Variants in ZCCHC17 observed in about 807,000 individuals in gnomAD.
ZCCHC17 encodes zinc finger CCHC-type containing 17.
Under a neutral mutation model 30.6 loss-of-function variants are expected in ZCCHC17, and 18 were observed. The observed-to-expected ratio is 0.59, with a 90% confidence interval of 0.41 to 0.87. The LOEUF is 0.87. Ranked by LOEUF, ZCCHC17 falls within the 40% of genes least tolerant of loss-of-function variation. The probability of loss-of-function intolerance (pLI) is 0.00; values close to 1 mark genes in which losing one functional copy is unlikely to be tolerated. For synonymous variants in ZCCHC17, 88 were observed against 92.4 expected, an observed-to-expected ratio of 0.95 and a Z score of 0.27; for missense variants, 263 against 284.2, an observed-to-expected ratio of 0.93 and a Z score of 0.54.
chr1:31,342,122 T>G (rs1434305037), intron 5 of ZCCHC17, among the ~76,000 whole-genome samples: 1 of 152,164 alleles, frequency 6.6e-6, no homozygotes, highest in Non-Finnish European at 1.5e-5. Flanking sequence ...CGTGGCTCAC[T>G]GCAACTCTGC....
At chr1:31,316,254 G>A (rs867946488) in intron 2 of ZCCHC17, among the ~76,000 whole-genome samples, 2 of 151,996 alleles carry the variant, frequency 1.3e-5, no homozygotes, top group African/African-American at 2.4e-5. Context: ...GGCATGTGCC[G>A]CCATGCCCAG....
intron 4 of ZCCHC17, among the ~76,000 whole-genome samples, chr1:31,338,154 T>TA (rs902948421): frequency 2.0e-5 from 3 of 148,144 alleles, no homozygotes; most frequent in East Asian, 2.0e-4. Context: ...TTTTTTTTTT[T>TA]AATTTTTTTG....
In ZCCHC17 at chr1:31,350,855, G is replaced by C. The variant is rs559008269; in HGVS notation, c.564+1881G>C. Among the ~76,000 whole-genome samples the C allele has an allele frequency of 7.9e-5, 12 of 152,220 alleles. No homozygotes were observed. The South Asian group carries it at 2.5e-3, about 32-fold the overall frequency. On this transcript the variant is annotated intron_variant, in intron 7 of 7. Transcript: ENST00000344147. ...GACCTCAAGTGATCCGCCTGCCTTC[G>C]CCTCCCAAAGTGTTGGGATTACAGG...
At chr1:31,329,024 C>A (rs990462651) in intron 3 of ZCCHC17, among the ~76,000 whole-genome samples, 3 of 152,140 alleles carry the variant, frequency 2.0e-5, no homozygotes, top group African/African-American at 7.2e-5. Flanking sequence ...AAGTTCCAGC[C>A]CTCTGATCGC....
intron 2 of ZCCHC17, among the ~76,000 whole-genome samples, chr1:31,317,935 A>C (rs924453415): frequency 1.3e-5 from 2 of 152,196 alleles, no homozygotes; most frequent in Non-Finnish European, 2.9e-5. Flanking sequence ...AAGACTCCGG[A>C]TTCAAATCTC....
chr1:31,353,383 A>C (rs1473640084), intron 7 of ZCCHC17, among the ~76,000 whole-genome samples: 2 of 152,170 alleles, frequency 1.3e-5, no homozygotes, highest in Admixed American at 1.3e-4. Context: ...TTTTTAAAAT[A>C]GTGGTAAAGA....
At chr1:31,297,326 C>T (rs1413764709) in intron 1 of ZCCHC17, 5 of 396,052 alleles carry the variant, frequency 1.3e-5, no homozygotes, top group Non-Finnish European at 2.2e-5. Flanking sequence ...GTGGCCAGTC[C>T]TGTGCCGGGC....
At chr1:31,318,781 A>G (rs543999413) in intron 2 of ZCCHC17, among the ~76,000 whole-genome samples, 1 of 150,922 alleles carries the variant, frequency 6.6e-6, no homozygotes, top group South Asian at 2.1e-4. Flanking sequence ...TGTTCATGAA[A>G]CTCCTCTGGT....
chr1:31,316,871 A>C (rs1199670787), intron 2 of ZCCHC17, among the ~76,000 whole-genome samples: 11 of 152,138 alleles, frequency 7.2e-5, no homozygotes, highest in Admixed American at 7.2e-4. Flanking sequence ...AGTTAATTCA[A>C]GTGCTCCATC....
chr1:31,320,295 A>G (rs1442461352), intron 3 of ZCCHC17, among the ~76,000 whole-genome samples: 2 of 152,248 alleles, frequency 1.3e-5, no homozygotes, highest in African/African-American at 4.8e-5. Flanking sequence ...TTCCATTTAT[A>G]TAACATTCTT....
chr1:31,320,609 C>T (rs376718706), intron 3 of ZCCHC17, among the ~76,000 whole-genome samples: 2 of 152,258 alleles, frequency 1.3e-5, no homozygotes, highest in South Asian at 2.1e-4. Flanking sequence ...TCACTTAGCA[C>T]GTTTTCAAGG....
At chr1:31,327,347 G>T (rs902017827) in intron 3 of ZCCHC17, among the ~76,000 whole-genome samples, 1 of 152,214 alleles carries the variant, frequency 6.6e-6, no homozygotes, top group Non-Finnish European at 1.5e-5. Context: ...GTAAACAGGG[G>T]TTCCATGACC....
At chr1:31,299,694 C>T (rs1485529440) in intron 1 of ZCCHC17, among the ~76,000 whole-genome samples, 1 of 152,152 alleles carries the variant, frequency 6.6e-6, no homozygotes, top group Non-Finnish European at 1.5e-5. Context: ...GGTGTTGTTC[C>T]TGGAAGTTCT....
At chr1:31,328,456 C>T (rs1389592778) in intron 3 of ZCCHC17, among the ~76,000 whole-genome samples, 4 of 151,552 alleles carry the variant, frequency 2.6e-5, no homozygotes, top group African/African-American at 9.7e-5. Flanking sequence ...TGCAGTGAGC[C>T]GAGATCATGC....
chr1:31,299,484 T>C (rs1192021681), intron 1 of ZCCHC17, among the ~76,000 whole-genome samples: 3 of 152,224 alleles, frequency 2.0e-5, no homozygotes, highest in Non-Finnish European at 4.4e-5. Context: ...ACCATTTTCT[T>C]GACTCCCTTG....
At chr1:31,352,266 T>G (rs1302615421) in intron 7 of ZCCHC17, among the ~76,000 whole-genome samples, 1 of 152,216 alleles carries the variant, frequency 6.6e-6, no homozygotes, top group Non-Finnish European at 1.5e-5. Flanking sequence ...CATCACTGTC[T>G]TTGATCTCGA....
chr1:31,312,367 G>A (rs1218518652), intron 2 of ZCCHC17, among the ~76,000 whole-genome samples: 1 of 152,164 alleles, frequency 6.6e-6, no homozygotes, highest in African/African-American at 2.4e-5. Flanking sequence ...CTCAGTCTTA[G>A]GTGGATGGGT....
rs1056116880 is a variant in ZCCHC17 at position 31,343,496 on chromosome 1, C to A, written c.318-3144C>A. Reference sequence around the variant, plus strand: ...CTTCAGCCATCCATAGTTTGTTAGCCACCTTTCATTTTCCATAAAAATCTA... The same window carrying A: ...CTTCAGCCATCCATAGTTTGTTAGCAACCTTTCATTTTCCATAAAAATCTA... On this transcript the variant is annotated intron_variant, in intron 5 of 7. Transcript: ENST00000344147. Among the ~76,000 whole-genome samples the A allele has an allele frequency of 2.0e-5, 3 of 152,130 alleles. No individual in the cohort carries two copies. In the South Asian group the frequency reaches 6.2e-4, roughly 32 times the overall value.
intron 1 of ZCCHC17, among the ~76,000 whole-genome samples, chr1:31,298,324 A>G (rs1019446208): frequency 6.6e-6 from 1 of 152,050 alleles, no homozygotes; most frequent in Non-Finnish European, 1.5e-5. Context: ...TTCACTCACT[A>G]TCACGGAATC....
Sources: allele counts gnomAD v4.1 joint callset (sites outside exome capture counted in the v4.1 genomes callset), GRCh38; gene constraint gnomAD v4.1.1; transcripts MANE v1.5; gene names NCBI Gene and HGNC (gene_info 2026-07-23, HGNC 2026-07-21).